Variants in FGF12 observed in about 807,000 individuals in gnomAD.
FGF12 encodes fibroblast growth factor 12B.
A neutral mutation model predicts 23.6 loss-of-function variants in FGF12; 14 were observed. The ratio of observed to expected loss-of-function variants is 0.59; its 90% CI spans 0.39 to 0.93. FGF12 has a LOEUF of 0.93. FGF12 is among the 40% of genes least tolerant of loss of function. The pLI, the probability that FGF12 is intolerant of heterozygous loss-of-function variation, is 0.00. For missense variants in FGF12, 175 were observed against 217.8 expected (o/e 0.80, Z 1.24); for synonymous variants, 62 against 77.3 (o/e 0.80, Z 1.04).
At chr3:192,169,845 AAC>A (rs1553845885) in intron 5 of FGF12, among the ~76,000 whole-genome samples, 1 of 145,824 alleles carries the variant, frequency 6.9e-6, no homozygotes, top group African/African-American at 2.6e-5. Flanking sequence ...GAAAAAAAAA[AAC>A]AAAAAAGTTT....
intron 2 of FGF12, among the ~76,000 whole-genome samples, chr3:192,365,043 T>G (rs772680905): frequency 5.3e-5 from 8 of 152,072 alleles, no homozygotes; most frequent in Non-Finnish European, 7.4e-5. Context: ...AAAAAAAAAT[T>G]AGACAAATGC....
intron 4 of FGF12, among the ~76,000 whole-genome samples, chr3:192,330,460 A>G (rs904085432): frequency 5.9e-5 from 9 of 152,326 alleles, no homozygotes; most frequent in Non-Finnish European, 8.8e-5. Context: ...ACAAGATTAC[A>G]CAATGGAGAA....
intron 2 of FGF12, among the ~76,000 whole-genome samples, chr3:192,615,956 TATGG>T (rs1449156604): frequency 7.0e-6 from 1 of 143,174 alleles, no homozygotes; most frequent in Non-Finnish European, 1.6e-5. Flanking sequence ...GTAATGGGAT[TATGG>T]ATGATTTTAA....
intron 2 of FGF12, among the ~76,000 whole-genome samples, chr3:192,707,617 G>A (rs931588543): frequency 1.3e-5 from 2 of 151,570 alleles, no homozygotes; most frequent in Non-Finnish European, 2.9e-5. Flanking sequence ...GTGGTGGCAG[G>A]TGCCTGTAAT....
At chr3:192,271,014 G>A (rs1713402807) in intron 4 of FGF12, among the ~76,000 whole-genome samples, 1 of 152,090 alleles carries the variant, frequency 6.6e-6, no homozygotes, top group Non-Finnish European at 1.5e-5. Flanking sequence ...CTCATTCCCT[G>A]CAGTAAGGAT....
intron 2 of FGF12, among the ~76,000 whole-genome samples, chr3:192,430,626 T>G (rs1299732431): frequency 1.3e-5 from 2 of 152,154 alleles, no homozygotes; most frequent in Non-Finnish European, 2.9e-5. Flanking sequence ...TACCACACAA[T>G]GTACAAATAT....
chr3:192,262,786 T>A (rs1238821380), intron 4 of FGF12, among the ~76,000 whole-genome samples: 3 of 149,862 alleles, frequency 2.0e-5, no homozygotes, highest in Non-Finnish European at 4.5e-5. Flanking sequence ...GTGACTGTAA[T>A]TTTTTTTTTC....
At chr3:192,635,638 C>T (rs962121651) in intron 2 of FGF12, among the ~76,000 whole-genome samples, 4 of 152,178 alleles carry the variant, frequency 2.6e-5, no homozygotes, top group African/African-American at 9.7e-5. Flanking sequence ...CCAGAGAAAA[C>T]AATCAGTTAT....
At chr3:192,292,704 C>A (rs1163268413) in intron 4 of FGF12, among the ~76,000 whole-genome samples, 2 of 152,158 alleles carry the variant, frequency 1.3e-5, no homozygotes, top group Non-Finnish European at 2.9e-5. Flanking sequence ...CACTTTCTAT[C>A]TAAAACATAC....
intron 4 of FGF12, among the ~76,000 whole-genome samples, chr3:192,215,980 CATG>C (rs1381108018): frequency 1.3e-5 from 2 of 152,104 alleles, no homozygotes; most frequent in Non-Finnish European, 2.9e-5. Flanking sequence ...TGAATATAGT[CATG>C]ATTAATTCAT....
At chr3:192,317,138 G>A (rs1173816103) in intron 4 of FGF12, among the ~76,000 whole-genome samples, 3 of 151,898 alleles carry the variant, frequency 2.0e-5, no homozygotes, top group Non-Finnish European at 2.9e-5. Context: ...CTTCAAGGGT[G>A]TCCCAGCATA....
intron 4 of FGF12, among the ~76,000 whole-genome samples, chr3:192,240,351 CCT>C (rs1315323533): frequency 6.6e-6 from 1 of 151,992 alleles, no homozygotes; most frequent in Non-Finnish European, 1.5e-5. Flanking sequence ...TCTGATTTCC[CCT>C]GTTATTTTTT....
chr3:192,650,113 C>G (rs2174179), intron 2 of FGF12, among the ~76,000 whole-genome samples: 86,788 of 152,058 alleles, frequency 0.57, 25,181 homozygotes, highest in East Asian at 0.67. Context: ...GAGTCATGGG[C>G]GAAGCCCCAA....
chr3:192,707,982 C>A, intron 2 of FGF12, among the ~76,000 whole-genome samples: 1 of 151,592 alleles, frequency 6.6e-6, no homozygotes, highest in South Asian at 2.1e-4. Context: ...ATTTTTGAGA[C>A]GGAGTCTCGC....
At chr3:192,642,770 C>G (rs1318751357) in intron 2 of FGF12, among the ~76,000 whole-genome samples, 1 of 152,148 alleles carries the variant, frequency 6.6e-6, no homozygotes, top group Non-Finnish European at 1.5e-5. Context: ...ATAGCCCTTG[C>G]CATGAAATCC....
At chr3:192,608,984 T>C (rs1196861048) in intron 2 of FGF12, among the ~76,000 whole-genome samples, 1 of 152,144 alleles carries the variant, frequency 6.6e-6, no homozygotes, top group Non-Finnish European at 1.5e-5. Flanking sequence ...GGCTGAGCTA[T>C]AATGGGCATC....
intron 2 of FGF12, among the ~76,000 whole-genome samples, chr3:192,655,391 G>A: frequency 6.6e-6 from 1 of 152,088 alleles, no homozygotes; most frequent in South Asian, 2.1e-4. Context: ...AGATGTGATG[G>A]TTGGAGCTGC....
intron 5 of FGF12, among the ~76,000 whole-genome samples, chr3:192,145,748 A>G (rs1713660031): frequency 6.6e-6 from 1 of 152,252 alleles, no homozygotes; most frequent in Non-Finnish European, 1.5e-5. Context: ...GTAACAGAGT[A>G]TACAGAGGAA....
intron 4 of FGF12, among the ~76,000 whole-genome samples, chr3:192,276,093 TC>T (rs1276382332): frequency 6.6e-6 from 1 of 152,210 alleles, no homozygotes; most frequent in African/African-American, 2.4e-5. Context: ...TTAAGAATCA[TC>T]AAACCTTGGA....
Sources: allele counts gnomAD v4.1 joint callset (sites outside exome capture counted in the v4.1 genomes callset), GRCh38; gene constraint gnomAD v4.1.1; transcripts MANE v1.5; gene names NCBI Gene and HGNC (gene_info 2026-07-23, HGNC 2026-07-21).